The following TCOF1 variants were observed in gnomAD, a reference collection of about 807,000 sequenced individuals.
TCOF1 encodes the protein treacle protein.
A neutral mutation model predicts 149.0 loss-of-function variants in TCOF1; 33 were observed. That is an observed-to-expected ratio of 0.22 (90% CI 0.17 to 0.30). TCOF1 has a LOEUF of 0.30. Ranked by LOEUF, TCOF1 falls within the 10% of genes least tolerant of loss-of-function variation. The pLI is 1.00. For synonymous variants in TCOF1, 789 were observed against 738.8 expected (o/e 1.07, Z -1.10); for missense variants, 1,728 against 1,840.7 (o/e 0.94, Z 1.12).
In TCOF1 at chr5:150,376,132, C is replaced by T. The variant is rs1318197685; in HGVS notation, c.1944C>T (p.Thr648=). 6.2e-7 allele frequency: 1 copy of T among 1,614,116 alleles called. No individual in the cohort carries two copies. Among genetic ancestry groups the T allele is most frequent in the Non-Finnish European group, 8.5e-7 (1 of 1,180,048 alleles). Residue 648 remains threonine (T), a synonymous_variant, in exon 13 of 27, where the codon ACC becomes ACT. Transcript: ENST00000643257. ...IPQTKACPKK[T]NTTASAKVAP... is the part of the protein sequence containing the mutation. ...AGACCAAGGCCTGCCCAAAGAAAAC[C>T]AATACCACTGCATCTGCCAAGGTCG... is the stretch of plus-strand genomic sequence containing the variant.
chr5:150,370,363 T>C (rs912911466), intron 6 of TCOF1, among the ~76,000 whole-genome samples: 4 of 152,122 alleles, frequency 2.6e-5, no homozygotes, highest in South Asian at 2.1e-4. Flanking sequence ...TTAAAGAACA[T>C]TGATCTTTTT....
intron 24 of TCOF1, 57 bp from the exon 25 acceptor site, chr5:150,398,297 A>G: frequency 6.2e-7 from 1 of 1,609,152 alleles, no homozygotes; most frequent in Non-Finnish European, 8.5e-7. Flanking sequence ...CCCAACATTG[A>G]CCCCAGCACT....
chr5:150,359,628 C>G (rs1012873699), intron 1 of TCOF1, among the ~76,000 whole-genome samples: 7 of 152,284 alleles, frequency 4.6e-5, no homozygotes, highest in African/African-American at 1.7e-4. Context: ...GTATGCTTTT[C>G]CCAGTTTCTC....
At chr5:150,364,082 G>T in intron 2 of TCOF1, 31 bp from the exon 3 acceptor site, 1 of 1,613,872 alleles carries the variant, frequency 6.2e-7, no homozygotes, top group South Asian at 1.1e-5. Flanking sequence ...CTGTCACCCA[G>T]TTGGTATAGA....
Position 150,396,397 on chromosome 5 carries a change from C to T in TCOF1, c.3900C>T (p.Leu1300=), listed in dbSNP as rs368826253. The T allele has an allele frequency of 6.2e-7, 1 of 1,614,026 alleles. No homozygotes were observed. Among genetic ancestry groups the T allele is most frequent in the African/African-American group, 1.3e-5 (1 of 75,064 alleles). ...LALQSNITQC[L]LGQPWPLNEA... The stretch of plus-strand genomic sequence containing the variant: ...TGCAAAGCAACATCACCCAGTGCCT[C>T]CTGGGCCAACCCTGGCCCCTGAATG... Residue 1300 remains leucine (L), a synonymous_variant, in exon 24 of 27, where the codon CTC becomes CTT. Coordinates refer to ENST00000643257, the MANE Select transcript of TCOF1 (RefSeq NM_001371623.1).
intron 7 of TCOF1, 88 bp from the exon 8 acceptor site, chr5:150,374,086 C>G (rs1016781362): frequency 1.4e-6 from 2 of 1,428,420 alleles, no homozygotes; most frequent in African/African-American, 1.4e-5. Context: ...TCTTAGGAGC[C>G]TCATTAAGGC....
At chr5:150,383,596 G>T (rs1045164819) in intron 17 of TCOF1, 2 of 883,214 alleles carry the variant, frequency 2.3e-6, no homozygotes, top group Non-Finnish European at 3.6e-6. Flanking sequence ...AGAAGGGCAG[G>T]GAGTGTTGCC....
chr5:150,371,188 A>G (rs1762447072), intron 6 of TCOF1, among the ~76,000 whole-genome samples: 1 of 152,148 alleles, frequency 6.6e-6, no homozygotes. Context: ...GGAACTTCTC[A>G]CTTTACTGTG....
In TCOF1 at chr5:150,375,153, A is replaced by G. The variant is rs1242388893; in HGVS notation, c.1478A>G (p.Asn493Ser). ...GACAGAGAGGCACTGGCAGCCATGA[A>G]TGCAGCTCAGGTGAGGCTGGAAGCC... ...DSDREALAAM[N>S]AAQVKPLGKS... Residue 493 changes from asparagine (N) to serine (S), a missense_variant, in exon 10 of 27, where the codon AAT becomes AGT. By Grantham distance (46) the Asn-to-Ser change is conservative (BLOSUM62 1). Coordinates refer to ENST00000643257, the MANE Select transcript of TCOF1 (RefSeq NM_001371623.1). 1.2e-6 allele frequency: 2 copies of G among 1,613,424 alleles called. No individual in the cohort carries two copies. Among genetic ancestry groups the G allele is most frequent in the Non-Finnish European group, 1.7e-6 (2 of 1,179,766 alleles).
At chr5:150,360,768 G>T (rs1439926882) in intron 1 of TCOF1, among the ~76,000 whole-genome samples, 1 of 139,930 alleles carries the variant, frequency 7.1e-6, no homozygotes, top group Non-Finnish European at 1.5e-5. Context: ...AAAGGGTCTT[G>T]CTCTGTTGCC....
intron 3 of TCOF1, among the ~76,000 whole-genome samples, chr5:150,366,372 C>G (rs1468006710): frequency 1.3e-5 from 2 of 151,964 alleles, no homozygotes; most frequent in Non-Finnish European, 2.9e-5. Context: ...AAAAACGCAT[C>G]CTCATTGAGA....
chr5:150,364,355 C>G, intron 3 of TCOF1, 103 bp downstream of exon 3: 1 of 1,540,970 alleles, frequency 6.5e-7, no homozygotes, highest in East Asian at 2.3e-5. Flanking sequence ...CCTAAAAGAC[C>G]CTGGGGAGGA....
intron 24 of TCOF1, among the ~76,000 whole-genome samples, chr5:150,397,232 G>T (rs1225973195): frequency 6.7e-6 from 1 of 149,248 alleles, no homozygotes; most frequent in East Asian, 2.0e-4. Flanking sequence ...GCCCGAACTC[G>T]ATTCCAGAGC....
intron 17 of TCOF1, chr5:150,383,836 C>G: frequency 6.4e-7 from 1 of 1,551,372 alleles, no homozygotes; most frequent in Non-Finnish European, 8.7e-7. Context: ...AGAGCTTAAG[C>G]CACAGTCCTG....
chr5:150,399,088 T>A lies in TCOF1; in HGVS notation c.*22+18T>A. 6.2e-7 allele frequency: 1 copy of A among 1,614,158 alleles called. No individual in the cohort carries two copies. The highest frequency in any genetic ancestry group is 8.5e-7 in the Non-Finnish European group (1 of 1,180,006). ...AGGCACAGGTACGCTTCCCAATCAT[T>A]CCTGAGCATTCAGGGTGGGAGGACA... On this transcript the variant is annotated intron_variant, in intron 26 of 26. Transcript: ENST00000643257.
intron 22 of TCOF1, chr5:150,393,012 G>T (rs753985274): frequency 4.8e-6 from 3 of 619,116 alleles, no homozygotes; most frequent in Non-Finnish European, 8.5e-6. Context: ...GACCCTTGGG[G>T]TCTGTAGAAG....
intron 25 of TCOF1, among the ~76,000 whole-genome samples, chr5:150,398,738 G>T (rs537813848): frequency 1.3e-5 from 2 of 152,366 alleles, no homozygotes; most frequent in Admixed American, 1.3e-4. Flanking sequence ...GAAAGGAAAC[G>T]TTGCCTGGGC....
chr5:150,383,821 C>T (rs1765733346), intron 17 of TCOF1: 2 of 1,551,526 alleles, frequency 1.3e-6, no homozygotes, highest in African/African-American at 1.4e-5. Flanking sequence ...TGCTCCACTG[C>T]ACCCAGAGCT....
At chr5:150,391,725 C>T (rs1040498976) in intron 20 of TCOF1, 68 bp downstream of exon 20, 22 of 1,435,430 alleles carry the variant, frequency 1.5e-5, no homozygotes, top group African/African-American at 1.3e-4. Flanking sequence ...CCCTGCATCG[C>T]GGCACCAGCA....
Sources: allele counts gnomAD v4.1 joint callset (sites outside exome capture counted in the v4.1 genomes callset), GRCh38; gene constraint gnomAD v4.1.1; transcripts MANE v1.5; gene names NCBI Gene and HGNC (gene_info 2026-07-23, HGNC 2026-07-21).